The following XRCC4 variants were observed in gnomAD, a reference collection of about 807,000 sequenced individuals.
XRCC4 encodes the protein X-ray repair cross complementing 4.
Under a neutral mutation model 39.1 loss-of-function variants are expected in XRCC4, and 28 were observed. That is an observed-to-expected ratio of 0.72 (90% CI 0.53 to 0.98). The LOEUF is 0.98. Among genes scored for constraint, XRCC4 ranks in the 50% least tolerant of loss-of-function variants. XRCC4 has a pLI of 0.00. For synonymous variants in XRCC4, 123 were observed against 126.4 expected (o/e 0.97, Z 0.18); for missense variants, 350 against 376.4 (o/e 0.93, Z 0.58).
chr5:83,106,239 T>A (rs1356885626), intron 2 of XRCC4, among the ~76,000 whole-genome samples: 2 of 152,112 alleles, frequency 1.3e-5, no homozygotes, highest in African/African-American at 2.4e-5. Flanking sequence ...TTTCTTGTTT[T>A]AGGGTGAAGA....
chr5:83,258,423 G>T, intron 6 of XRCC4, 107 bp from the exon 7 acceptor site: 1 of 1,319,224 alleles, frequency 7.6e-7, no homozygotes, highest in South Asian at 1.3e-5. Flanking sequence ...GAATAGTTTT[G>T]CTATATTTTA....
At chr5:83,356,001 G>GC (rs1366841989), downstream of XRCC4, among the ~76,000 whole-genome samples, 1 of 152,036 alleles carries the variant, frequency 6.6e-6, no homozygotes, top group East Asian at 1.9e-4. Flanking sequence ...TCAGGAAAAG[G>GC]ATTTGACTAA....
At chr5:83,192,319 A>ATATTTT (rs3069585) in intron 3 of XRCC4, among the ~76,000 whole-genome samples, 51 of 143,490 alleles carry the variant, frequency 3.6e-4, no homozygotes, top group African/African-American at 2.1e-4. Context: ...ATATATATAT[A>ATATTTT]TTTTTTTGAG....
At chr5:83,321,542 C>T (rs1756074710) in intron 7 of XRCC4, among the ~76,000 whole-genome samples, 1 of 152,080 alleles carries the variant, frequency 6.6e-6, no homozygotes, top group Non-Finnish European at 1.5e-5. Flanking sequence ...TATTAAGCCA[C>T]AGAAAATATT....
chr5:83,355,793 C>G (rs919941157), downstream of XRCC4, among the ~76,000 whole-genome samples: 8 of 152,140 alleles, frequency 5.3e-5, no homozygotes, highest in African/African-American at 1.9e-4. Flanking sequence ...TGTGCCACCA[C>G]ACCCGGCTAA....
chr5:83,150,554 A>G (rs577466137), intron 3 of XRCC4, among the ~76,000 whole-genome samples: 4 of 152,292 alleles, frequency 2.6e-5, no homozygotes, highest in African/African-American at 9.6e-5. Context: ...TTCAATGGTC[A>G]CAGAGAATAC....
intron 3 of XRCC4, among the ~76,000 whole-genome samples, chr5:83,185,243 A>G (rs1750383531): frequency 6.6e-6 from 1 of 151,966 alleles, no homozygotes; most frequent in African/African-American, 2.4e-5. Context: ...GATTAGATGA[A>G]AAAACATGAT....
chr5:83,322,562 A>G (rs1295637955), intron 7 of XRCC4, among the ~76,000 whole-genome samples: 3 of 152,160 alleles, frequency 2.0e-5, no homozygotes, highest in Non-Finnish European at 4.4e-5. Flanking sequence ...TATGGCAAAG[A>G]CTTTGTGGGT....
Position 83,297,184 on chromosome 5 carries a change from T to G in XRCC4, c.893+38507T>G, listed in dbSNP as rs191465966. Among the ~76,000 whole-genome samples, 234 of 152,048 alleles carry G rather than the reference T, an allele frequency of 1.5e-3. 3 individuals carry two copies. Among genetic ancestry groups the G allele is most frequent in the South Asian group, 0.01 (50 of 4,826 alleles). The stretch of plus-strand genomic sequence containing the variant: ...AAACATCTTTACCAATTTGGAATTA[T>G]ACTAAAAGTGTTAGTGTCATTAAAT... On this transcript the variant is annotated intron_variant, in intron 7 of 7. Transcript: ENST00000396027.
chr5:83,266,259 T>C (rs962584819), intron 7 of XRCC4, among the ~76,000 whole-genome samples: 1 of 150,980 alleles, frequency 6.6e-6, no homozygotes, highest in Admixed American at 6.7e-5. Context: ...TATTTTTTGG[T>C]ATACTGTATC....
At chr5:83,236,820 AG>A (rs1222595042) in intron 6 of XRCC4, among the ~76,000 whole-genome samples, 1 of 151,982 alleles carries the variant, frequency 6.6e-6, no homozygotes, top group Non-Finnish European at 1.5e-5. Flanking sequence ...TCACCCAGCA[AG>A]GGACAAATAA....
intron 1 of XRCC4, among the ~76,000 whole-genome samples, chr5:83,102,195 C>T (rs779663964): frequency 6.6e-6 from 1 of 152,076 alleles, no homozygotes; most frequent in Non-Finnish European, 1.5e-5. Context: ...CCAGTTGGGA[C>T]TCAGTGAACT....
chr5:83,304,406 T>TCTC (rs1755405477), intron 7 of XRCC4, among the ~76,000 whole-genome samples: 1 of 152,150 alleles, frequency 6.6e-6, no homozygotes, highest in African/African-American at 2.4e-5. Context: ...ATGACTCTTT[T>TCTC]CTCTTTATTT....
At chr5:83,263,237 A>T (rs1472435107) in intron 7 of XRCC4, among the ~76,000 whole-genome samples, 2 of 150,962 alleles carry the variant, frequency 1.3e-5, no homozygotes, top group Non-Finnish European at 3.0e-5. Context: ...CTTAATCCAG[A>T]CTATCATTGT....
At chr5:83,250,602 T>C (rs576857206) in intron 6 of XRCC4, among the ~76,000 whole-genome samples, 1 of 152,284 alleles carries the variant, frequency 6.6e-6, no homozygotes, top group Admixed American at 6.5e-5. Context: ...TACCCAAAAG[T>C]TCTACCCAAA....
At chr5:83,167,997 A>G (rs1749560259) in intron 3 of XRCC4, among the ~76,000 whole-genome samples, 1 of 152,230 alleles carries the variant, frequency 6.6e-6, no homozygotes, top group South Asian at 2.1e-4. Flanking sequence ...AATATTAAGC[A>G]TAATTAAATG....
intron 3 of XRCC4, among the ~76,000 whole-genome samples, chr5:83,173,890 AAG>A (rs1389297329): frequency 6.6e-5 from 10 of 152,202 alleles, no homozygotes; most frequent in Non-Finnish European, 1.5e-4. Context: ...CAAGTCTCTT[AAG>A]AAGCAGTCAG....
intron 6 of XRCC4, among the ~76,000 whole-genome samples, chr5:83,244,381 TG>T (rs1024594133): frequency 2.0e-5 from 3 of 152,170 alleles, no homozygotes; most frequent in Non-Finnish European, 4.4e-5. Context: ...TCAATTAGGG[TG>T]GGTCTAGACC....
intron 3 of XRCC4, among the ~76,000 whole-genome samples, chr5:83,145,641 T>C (rs1226527512): frequency 6.6e-6 from 1 of 152,192 alleles, no homozygotes; most frequent in Non-Finnish European, 1.5e-5. Flanking sequence ...GCTTCTTCCT[T>C]TCTAAAATTG....
Sources: gnomAD v4.1 joint callset for allele counts (sites outside exome capture counted in the v4.1 genomes callset) on GRCh38, gnomAD v4.1.1 for gene constraint, MANE v1.5 for transcripts, NCBI Gene and HGNC (gene_info 2026-07-23, HGNC 2026-07-21) for gene names.